The following FRMD4B variants were observed in gnomAD, a reference collection of about 807,000 sequenced individuals.
FRMD4B encodes the protein FERM domain containing 4B.
A neutral mutation model predicts 141.5 loss-of-function variants in FRMD4B; 74 were observed. The ratio of observed to expected loss-of-function variants is 0.52; its 90% CI spans 0.43 to 0.63. The LOEUF (loss-of-function observed/expected upper bound fraction) is 0.63. Among genes scored for constraint, FRMD4B ranks in the 30% least tolerant of loss-of-function variants. The pLI, the probability that FRMD4B is intolerant of heterozygous loss-of-function variation, is 0.00. For synonymous variants in FRMD4B, 506 were observed against 467.9 expected, an observed-to-expected ratio of 1.08 and a Z score of -1.05; for missense variants, 1,366 against 1,253.4, an observed-to-expected ratio of 1.09 and a Z score of -1.36.
intron 1 of FRMD4B, among the ~76,000 whole-genome samples, chr3:69,337,086 T>A (rs895588730): frequency 1.3e-5 from 2 of 152,192 alleles, no homozygotes; most frequent in African/African-American, 4.8e-5. Context: ...CAAAACAGCA[T>A]GGTACTGGTA....
At chr3:69,458,849 T>TAAAA (rs35229515) in intron 1 of FRMD4B, among the ~76,000 whole-genome samples, 8 of 82,158 alleles carry the variant, frequency 9.7e-5, no homozygotes, top group African/African-American at 2.0e-4. Flanking sequence ...ATGGGCTGCT[T>TAAAA]AAAAAAAAAA....
At chr3:69,536,494 C>T (rs528345507) in intron 1 of FRMD4B, 20 of 696,718 alleles carry the variant, frequency 2.9e-5, no homozygotes, top group Non-Finnish European at 4.5e-5. Context: ...CGTGCCCTAG[C>T]GCTACTCCCC....
At chr3:69,280,085 G>C (rs2093637802) in intron 5 of FRMD4B, among the ~76,000 whole-genome samples, 1 of 151,950 alleles carries the variant, frequency 6.6e-6, no homozygotes, top group Non-Finnish European at 1.5e-5. Flanking sequence ...AATAACCTGG[G>C]GCAAGCCTAC....
At position 69,171,784 on chromosome 3, in the gene FRMD4B, C is replaced by A. The variant is rs2092588949; in HGVS notation, c.*77G>T. The A allele has an allele frequency of 1.8e-5, 26 of 1,455,606 alleles. No homozygotes were observed. In the South Asian group the frequency reaches 3.0e-4, roughly 17 times the overall value. The allele number at this position is 1,455,606 out of a possible 1,614,324, so 90.2% of individuals were successfully genotyped here. A position where few individuals can be genotyped will look rare whatever the true frequency, so the allele number is the denominator to read the frequency against. Reference sequence around the variant, plus strand: ...TCTTTAGGTTTCTAAAACGAACATCCTCTCGGAAGACAAATACAATTTGCA... The same window carrying A: ...TCTTTAGGTTTCTAAAACGAACATCATCTCGGAAGACAAATACAATTTGCA... On this transcript the variant is annotated 3_prime_UTR_variant, in exon 23 of 23. Transcript: ENST00000398540.
chr3:69,454,212 G>A (rs1290637032), intron 1 of FRMD4B, among the ~76,000 whole-genome samples: 1 of 152,220 alleles, frequency 6.6e-6, no homozygotes, highest in Admixed American at 6.5e-5. Flanking sequence ...CCCATGTGTA[G>A]AAGGAGATAC....
Position 69,247,826 on chromosome 3 carries a change from T to C in FRMD4B, c.581+1400A>G, listed in dbSNP as rs536840277. Among the ~76,000 whole-genome samples the C allele has an allele frequency of 2.7e-4, 41 of 152,332 alleles. 1 individual carries two copies. The South Asian group carries it at 6.2e-3, about 23-fold the overall frequency. On this transcript the variant is annotated intron_variant, in intron 7 of 22. Coordinates refer to ENST00000398540, the MANE Select transcript of FRMD4B (RefSeq NM_015123.3). Reference sequence around the variant, plus strand: ...ACCGCACCCAGCTAATTTTTTTGTATTTTTAATAGAGACAGGGTTTCACCG... The same window carrying C: ...ACCGCACCCAGCTAATTTTTTTGTACTTTTAATAGAGACAGGGTTTCACCG...
intron 4 of FRMD4B, among the ~76,000 whole-genome samples, chr3:69,289,927 T>C (rs1486993980): frequency 6.6e-6 from 1 of 152,176 alleles, no homozygotes; most frequent in Non-Finnish European, 1.5e-5. Context: ...CTTTCTTGAT[T>C]TGTCCTTTTT....
intron 11 of FRMD4B, among the ~76,000 whole-genome samples, chr3:69,199,981 T>C (rs962387190): frequency 7.2e-5 from 2 of 27,768 alleles, no homozygotes; most frequent in Non-Finnish European, 1.7e-4. Flanking sequence ...ATTAGGGAAA[T>C]AACAGCAGAG....
intron 2 of FRMD4B, among the ~76,000 whole-genome samples, chr3:69,430,605 C>A (rs900466898): frequency 5.3e-5 from 8 of 152,142 alleles, no homozygotes; most frequent in African/African-American, 1.9e-4. Context: ...GTGAAGAGGG[C>A]AAATGCTGTC....
rs1409529063 is a variant in FRMD4B at position 69,180,942 on chromosome 3, T to A, written c.2808A>T (p.Gln936His). Residue 936 changes from glutamine to histidine, a missense_variant, in exon 21 of 23, where the codon CAA (glutamine) becomes CAT (histidine). Physicochemically the swap from Gln to His is conservative, Grantham distance 24 (BLOSUM62 0). Coordinates refer to ENST00000398540, the MANE Select transcript of FRMD4B (RefSeq NM_015123.3). ...CACGACTGCTTGGAGAACAAGGTAC[T>A]TGCAGCCCCGCAAACCCCAGGCATC... ...SQRCLGFAGL[Q>H]VPCSPSSRAS... 4 of 1,612,704 alleles carry A rather than the reference T, an allele frequency of 2.5e-6. No homozygotes were observed. In the African/African-American group the frequency reaches 4.0e-5, roughly 16 times the overall value.
intron 17 of FRMD4B, among the ~76,000 whole-genome samples, chr3:69,192,157 G>A (rs1559700922): frequency 6.6e-6 from 1 of 152,122 alleles, no homozygotes; most frequent in Admixed American, 6.6e-5. Context: ...GCTGAGGTGG[G>A]AGGATTGCTT....
chr3:69,332,740 C>G (rs905779875), intron 1 of FRMD4B, among the ~76,000 whole-genome samples: 1 of 121,078 alleles, frequency 8.3e-6, no homozygotes, highest in African/African-American at 3.3e-5. Context: ...CCACACCTGG[C>G]TATTTTTTTT....
chr3:69,222,498 G>A (rs865883924), intron 8 of FRMD4B, among the ~76,000 whole-genome samples: 43 of 144,240 alleles, frequency 3.0e-4, no homozygotes, highest in African/African-American at 9.6e-4. Flanking sequence ...GACTTAAAGC[G>A]CAGTGGCTCA....
chr3:69,342,628 A>T (rs1702776409), intron 1 of FRMD4B, among the ~76,000 whole-genome samples: 1 of 152,138 alleles, frequency 6.6e-6, no homozygotes, highest in Admixed American at 6.6e-5. Context: ...GCTAGCTCTA[A>T]CCCCCTCAAT....
chr3:69,368,764 C>T (rs1703740971), intron 1 of FRMD4B, among the ~76,000 whole-genome samples: 1 of 152,092 alleles, frequency 6.6e-6, no homozygotes, highest in Non-Finnish European at 1.5e-5. Context: ...CTCAAGCAAT[C>T]CTCCTGCCTC....
rs141511127 is a variant in FRMD4B at position 69,246,822 on chromosome 3, G to A, written c.581+2404C>T. Among the ~76,000 whole-genome samples the A allele has an allele frequency of 1.3e-3, 204 of 152,304 alleles. 1 individual carries two copies. The highest frequency in any genetic ancestry group is 4.8e-3 in the African/African-American group (200 of 41,574). On this transcript the variant is annotated intron_variant, in intron 7 of 22. Coordinates refer to ENST00000398540, the MANE Select transcript of FRMD4B (RefSeq NM_015123.3). The stretch of plus-strand genomic sequence containing the variant: ...CAGGAAAACCACCAGGAACAAGCTC[G>A]AGTGAAGGCAAAGGTCTGGACTGGG...
chr3:69,206,318 C>G (rs2093024091), intron 11 of FRMD4B, among the ~76,000 whole-genome samples: 1 of 152,096 alleles, frequency 6.6e-6, no homozygotes, highest in South Asian at 2.1e-4. Flanking sequence ...CCACTGCACT[C>G]CAGCCTGGGC....
chr3:69,281,042 T>C (rs1302794433), intron 5 of FRMD4B, among the ~76,000 whole-genome samples: 1 of 151,810 alleles, frequency 6.6e-6, no homozygotes, highest in Non-Finnish European at 1.5e-5. Context: ...GCGATTCTCC[T>C]GCCTCAGCCT....
chr3:69,423,949 T>C (rs1705028701), intron 2 of FRMD4B, among the ~76,000 whole-genome samples: 1 of 152,168 alleles, frequency 6.6e-6, no homozygotes, highest in African/African-American at 2.4e-5. Context: ...CAGCTTATGG[T>C]ATTTCGTAAC....
Sources: gnomAD v4.1 joint callset for allele counts (sites outside exome capture counted in the v4.1 genomes callset) on GRCh38, gnomAD v4.1.1 for gene constraint, MANE v1.5 for transcripts, NCBI Gene and HGNC (gene_info 2026-07-23, HGNC 2026-07-21) for gene names.